HS3ST3A1: variants seen among roughly 807,000 people sequenced by gnomAD.
The protein encoded by HS3ST3A1 is heparan sulfate glucosamine 3-O-sulfotransferase 3A1.
HS3ST3A1 carries 19 observed loss-of-function variants against 25.7 expected under a neutral mutation model. The ratio of observed to expected loss-of-function variants is 0.74; its 90% CI spans 0.52 to 1.08. The LOEUF (loss-of-function observed/expected upper bound fraction) is 1.08, where lower values mean the gene tolerates loss of function less well. Ranked by LOEUF, HS3ST3A1 falls within the 50% of genes least tolerant of loss-of-function variation. HS3ST3A1 has a pLI of 0.00. For missense variants in HS3ST3A1, 459 were observed against 594.3 expected (o/e 0.77, Z 2.37); for synonymous variants, 226 against 278.6 (o/e 0.81, Z 1.88).
intron 1 of HS3ST3A1, among the ~76,000 whole-genome samples, chr17:13,515,423 G>C (rs1027420276): frequency 1.8e-4 from 27 of 150,434 alleles, no homozygotes; most frequent in African/African-American, 6.6e-4. Context: ...GCCTCCCAAA[G>C]TGCTGGGATT....
intron 1 of HS3ST3A1, among the ~76,000 whole-genome samples, chr17:13,556,849 C>A (rs1209767616): frequency 1.3e-4 from 12 of 93,736 alleles, no homozygotes; most frequent in Non-Finnish European, 1.8e-4. Flanking sequence ...GAAACTCCGC[C>A]TAAAAAAAAA....
At chr17:13,551,347 CAATAAATAAATAAATA>C (rs71144973) in intron 1 of HS3ST3A1, among the ~76,000 whole-genome samples, 61,576 of 141,154 alleles carry the variant, frequency 0.44, 13,741 homozygotes, top group Middle Eastern at 0.52. Context: ...GACTCCATCT[CAATAAATAAATAAATA>C]AATAAATAAA....
intron 1 of HS3ST3A1, among the ~76,000 whole-genome samples, chr17:13,585,161 C>CAATCTAAA (rs1567630131): frequency 7.6e-6 from 1 of 132,316 alleles, no homozygotes; most frequent in Non-Finnish European, 1.6e-5. Context: ...CCGCCAATTA[C>CAATCTAAA]AATCTAAATA....
At chr17:13,596,422 C>T (rs1434343417) in intron 1 of HS3ST3A1, among the ~76,000 whole-genome samples, 6 of 35,840 alleles carry the variant, frequency 1.7e-4, no homozygotes, top group African/African-American at 3.2e-4. Context: ...CGTGCGTACA[C>T]ACACACACAC....
intron 1 of HS3ST3A1, among the ~76,000 whole-genome samples, chr17:13,501,406 A>G (rs1051398781): frequency 6.6e-6 from 1 of 152,188 alleles, no homozygotes; most frequent in African/African-American, 2.4e-5. Context: ...TTAAGGGAGG[A>G]CAAACATTTC....
intron 1 of HS3ST3A1, among the ~76,000 whole-genome samples, chr17:13,531,970 G>A (rs1906619072): frequency 1.3e-5 from 2 of 152,146 alleles, no homozygotes; most frequent in South Asian, 4.1e-4. Flanking sequence ...GAGGTGGTAG[G>A]AAAGAGAGAG....
At chr17:13,562,422 C>T (rs1319842821) in intron 1 of HS3ST3A1, among the ~76,000 whole-genome samples, 1 of 152,102 alleles carries the variant, frequency 6.6e-6, no homozygotes, top group Admixed American at 6.5e-5. Context: ...CGAGGGACAG[C>T]GGGTGGGGGG....
chr17:13,509,963 C>T (rs2142305071), intron 1 of HS3ST3A1, among the ~76,000 whole-genome samples: 1 of 152,304 alleles, frequency 6.6e-6, no homozygotes, highest in African/African-American at 2.4e-5. Context: ...AAACAAAATT[C>T]ATCTTGGGGG....
chr17:13,529,628 T>C (rs1434784967), intron 1 of HS3ST3A1, among the ~76,000 whole-genome samples: 1 of 152,184 alleles, frequency 6.6e-6, no homozygotes, highest in Non-Finnish European at 1.5e-5. Flanking sequence ...CTGTAAAAAA[T>C]CCATTTATGT....
At chr17:13,565,784 A>G (rs1004356055) in intron 1 of HS3ST3A1, among the ~76,000 whole-genome samples, 17 of 152,116 alleles carry the variant, frequency 1.1e-4, no homozygotes, top group African/African-American at 4.1e-4. Flanking sequence ...CATGTCATTT[A>G]GTAGTTTCAG....
At chr17:13,544,761 C>T (rs1432219341) in intron 1 of HS3ST3A1, among the ~76,000 whole-genome samples, 1 of 90,296 alleles carries the variant, frequency 1.1e-5, no homozygotes, top group Admixed American at 1.5e-4. Flanking sequence ...ATCTGCAAAG[C>T]TGAACCCTCC....
chr17:13,600,977 G>A lies in HS3ST3A1; in HGVS notation c.153C>T (p.Gly51=). The A allele has an allele frequency of 1.3e-6, 2 of 1,560,390 alleles. No homozygotes were observed. The highest frequency in any genetic ancestry group is 1.2e-5 in the South Asian group (1 of 84,808). The change falls in exon 1 of 2, where the codon GGC becomes GGT. Residue 51 remains glycine (G), a synonymous_variant. Coordinates refer to ENST00000284110, the MANE Select transcript of HS3ST3A1 (RefSeq NM_006042.3). ...CLAERCQTLS[G]PVVGLSGGGE... ...CGCCGCCGGACAGCCCCACGACGGGGCCGGACAGGGTCTGGCAGCGCTCGG... is the reference window on the plus strand; with the variant it reads ...CGCCGCCGGACAGCCCCACGACGGGACCGGACAGGGTCTGGCAGCGCTCGG...
At chr17:13,565,238 A>G (rs975117126) in intron 1 of HS3ST3A1, among the ~76,000 whole-genome samples, 5 of 152,166 alleles carry the variant, frequency 3.3e-5, no homozygotes, top group Non-Finnish European at 7.4e-5. Context: ...TATCAATGCA[A>G]GGGTTTAAAA....
chr17:13,533,132 G>T (rs1054684086), intron 1 of HS3ST3A1, among the ~76,000 whole-genome samples: 1 of 152,008 alleles, frequency 6.6e-6, no homozygotes, highest in Non-Finnish European at 1.5e-5. Flanking sequence ...GAGGAGGGGG[G>T]AACTGTGTAA....
chr17:13,599,031 T>C (rs984323507), intron 1 of HS3ST3A1, among the ~76,000 whole-genome samples: 1 of 148,868 alleles, frequency 6.7e-6, no homozygotes, highest in African/African-American at 2.5e-5. Flanking sequence ...TAGGGGTCTT[T>C]AATCACTTCT....
At chr17:13,569,269 G>A (rs1187195127) in intron 1 of HS3ST3A1, among the ~76,000 whole-genome samples, 1 of 152,100 alleles carries the variant, frequency 6.6e-6, no homozygotes, top group Non-Finnish European at 1.5e-5. Context: ...GGATATACTT[G>A]TTTTTGTTGT....
intron 1 of HS3ST3A1, among the ~76,000 whole-genome samples, chr17:13,551,789 G>T (rs1421376619): frequency 6.6e-6 from 1 of 152,140 alleles, no homozygotes; most frequent in Non-Finnish European, 1.5e-5. Context: ...TGTGCAACTT[G>T]ACCATAATGA....
At chr17:13,593,858 T>C (rs954420593) in intron 1 of HS3ST3A1, among the ~76,000 whole-genome samples, 9 of 152,196 alleles carry the variant, frequency 5.9e-5, no homozygotes, top group Non-Finnish European at 7.3e-5. Context: ...GTTGGTATAA[T>C]GTTATTAACT....
chr17:13,564,642 G>A (rs1240773752), intron 1 of HS3ST3A1, among the ~76,000 whole-genome samples: 1 of 151,734 alleles, frequency 6.6e-6, no homozygotes, highest in East Asian at 1.9e-4. Context: ...AGCGGGGGCT[G>A]GAGATTGGTT....
Sources: allele counts gnomAD v4.1 joint callset (sites outside exome capture counted in the v4.1 genomes callset), GRCh38; gene constraint gnomAD v4.1.1; transcripts MANE v1.5; gene names NCBI Gene and HGNC (gene_info 2026-07-23, HGNC 2026-07-21).